MAPK4: variants seen among roughly 807,000 people sequenced by gnomAD.
MAPK4 encodes the protein mitogen-activated protein kinase 4.
Under a neutral mutation model 47.7 loss-of-function variants are expected in MAPK4, and 22 were observed. The ratio of observed to expected loss-of-function variants is 0.46; its 90% confidence interval spans 0.33 to 0.66. The LOEUF (loss-of-function observed/expected upper bound fraction) is 0.66, where lower values mean the gene tolerates loss of function less well. Ranked by LOEUF, MAPK4 falls within the 30% of genes least tolerant of loss-of-function variation. The pLI is 0.02. For synonymous variants in MAPK4, 390 were observed against 365.7 expected (o/e 1.07, Z -0.76); for missense variants, 736 against 831.7 (o/e 0.88, Z 1.42).
At chr18:50,677,823 G>C (rs1211763980) in intron 2 of MAPK4, among the ~76,000 whole-genome samples, 1 of 152,156 alleles carries the variant, frequency 6.6e-6, no homozygotes, top group East Asian at 1.9e-4. Context: ...CCAAAGTGCT[G>C]GGATTATAGG....
At chr18:50,601,862 G>A (rs571766263) in intron 1 of MAPK4, among the ~76,000 whole-genome samples, 8 of 152,122 alleles carry the variant, frequency 5.3e-5, no homozygotes, top group South Asian at 4.2e-4. Context: ...CTTGCCTTCC[G>A]TGGCAGCTCA....
chr18:50,726,280 C>A, intron 5 of MAPK4, 105 bp downstream of exon 5: 1 of 1,081,140 alleles, frequency 9.2e-7, no homozygotes, highest in South Asian at 1.4e-5. Context: ...AGTTGCATAG[C>A]TCATTGGACG....
chr18:50,604,993 G>T (rs1434549877), intron 1 of MAPK4, among the ~76,000 whole-genome samples: 1 of 152,230 alleles, frequency 6.6e-6, no homozygotes, highest in African/African-American at 2.4e-5. Flanking sequence ...GGAGCAGAGG[G>T]TGCAGGAGGA....
At chr18:50,594,525 G>GA (rs1376082001) in intron 1 of MAPK4, among the ~76,000 whole-genome samples, 2 of 152,016 alleles carry the variant, frequency 1.3e-5, no homozygotes, top group African/African-American at 2.4e-5. Context: ...GGTGGTGCTA[G>GA]AAAAAAATGG....
intron 1 of MAPK4, among the ~76,000 whole-genome samples, chr18:50,606,602 G>A (rs2042585292): frequency 6.6e-6 from 1 of 152,160 alleles, no homozygotes; most frequent in Non-Finnish European, 1.5e-5. Flanking sequence ...TCAAAGTTAG[G>A]TGTGACTGTG....
At chr18:50,686,387 T>C (rs16952404) in intron 2 of MAPK4, among the ~76,000 whole-genome samples, 2,657 of 152,280 alleles carry the variant, frequency 0.017, 67 homozygotes, top group African/African-American at 0.061. Flanking sequence ...AAACAAAAAG[T>C]CTTTTCTGCT....
At chr18:50,633,800 C>T (rs376277916) in intron 1 of MAPK4, among the ~76,000 whole-genome samples, 9 of 152,130 alleles carry the variant, frequency 5.9e-5, no homozygotes, top group South Asian at 2.1e-4. Context: ...TGCCGTGTGT[C>T]GGTTTGATTT....
chr18:50,568,294 T>G (rs530186276), intron 1 of MAPK4, among the ~76,000 whole-genome samples: 3 of 152,334 alleles, frequency 2.0e-5, no homozygotes, highest in Admixed American at 2.0e-4. Flanking sequence ...CTAAACATTT[T>G]GTTGATAGTC....
At chr18:50,666,202 C>T (rs1907592403) in intron 2 of MAPK4, among the ~76,000 whole-genome samples, 2 of 152,106 alleles carry the variant, frequency 1.3e-5, no homozygotes, top group African/African-American at 2.4e-5. Flanking sequence ...TTTATTGTGG[C>T]GTAAACTGGC....
chr18:50,713,356 T>C (rs1021315421), intron 2 of MAPK4, among the ~76,000 whole-genome samples: 1 of 152,258 alleles, frequency 6.6e-6, no homozygotes, highest in African/African-American at 2.4e-5. Context: ...TATCAACTTA[T>C]ATAAACTCCA....
In MAPK4 at chr18:50,729,138, C is replaced by T. The variant is rs371096264; in HGVS notation, c.1068-20C>T. 5.2e-6 allele frequency: 8 copies of T among 1,532,070 alleles called. No homozygotes were observed. In the African/African-American group the frequency reaches 6.8e-5, roughly 13 times the overall value. The allele number at this position is 1,532,070 out of a possible 1,614,324, so 94.9% of individuals were successfully genotyped here. Reference sequence around the variant, plus strand: ...ACCTGGCTTGGGCATCCAATCACCGCTCTGTTTGTACCCTTGCAGGTACCC... The same window carrying T: ...ACCTGGCTTGGGCATCCAATCACCGTTCTGTTTGTACCCTTGCAGGTACCC... On this transcript the variant is annotated intron_variant, in intron 5 of 5. Coordinates refer to ENST00000400384, the MANE Select transcript of MAPK4 (RefSeq NM_002747.4).
chr18:50,717,395 A>C (rs564768972), intron 3 of MAPK4, among the ~76,000 whole-genome samples: 9 of 152,132 alleles, frequency 5.9e-5, no homozygotes, highest in African/African-American at 1.9e-4. Context: ...TTCTCTTGGC[A>C]ATCAGCTTAC....
At position 50,726,222 on chromosome 18, in the gene MAPK4, A is replaced by G. The variant is rs373354888; in HGVS notation, c.1067+47A>G. The G allele has an allele frequency of 2.5e-4, 397 of 1,582,076 alleles. 6 individuals are homozygous for G. In the South Asian group the frequency reaches 4.2e-3, roughly 17 times the overall value. On this transcript the variant is annotated intron_variant, in intron 5 of 5. Transcript: ENST00000400384. ...AGAGCCCACATTTCCCTGTCCTCCC[A>G]TCTCTATTTTGCCTCTAATCCTCCG... is the stretch of plus-strand genomic sequence containing the variant.
chr18:50,696,447 G>A (rs1909517032), intron 2 of MAPK4, among the ~76,000 whole-genome samples: 1 of 152,238 alleles, frequency 6.6e-6, no homozygotes, highest in African/African-American at 2.4e-5. Flanking sequence ...GTGAGGTCCT[G>A]ATTTTGAGGT....
chr18:50,699,702 G>T lies in MAPK4; in HGVS notation c.547-15377G>T, dbSNP rs116526177. ...CTCAGTCAGTTGCCACAAGCCCGGG[G>T]GTCCCTAGGTCACCTGCACATCTGA... On this transcript the variant is annotated intron_variant, in intron 2 of 5. Coordinates refer to ENST00000400384, the MANE Select transcript of MAPK4 (RefSeq NM_002747.4). 5.8e-3 allele frequency among the ~76,000 whole-genome samples: 876 copies of T among 152,190 alleles called. 6 individuals carry two copies. Among genetic ancestry groups the T allele is most frequent in the African/African-American group, 0.02 (812 of 41,508 alleles).
chr18:50,571,455 G>A (rs1434924023), intron 1 of MAPK4, among the ~76,000 whole-genome samples: 2 of 152,114 alleles, frequency 1.3e-5, no homozygotes, highest in Middle Eastern at 3.2e-3. Context: ...GATTATTTTT[G>A]GAGGCAGAAT....
Position 50,565,848 on chromosome 18 carries a change from A to G in MAPK4, c.-871+5605A>G, listed in dbSNP as rs1355500090. ...CTATTCCATCTAGGTTTGTGTAAGT[A>G]TGCTCTATGATGTTCCCATAACCAG... On this transcript the variant is annotated intron_variant, in intron 1 of 5. Coordinates refer to ENST00000400384, the MANE Select transcript of MAPK4 (RefSeq NM_002747.4). Among the ~76,000 whole-genome samples the G allele has an allele frequency of 2.0e-5, 3 of 152,224 alleles. No individual in the cohort carries two copies. In the South Asian group the frequency reaches 6.2e-4, roughly 32 times the overall value.
chr18:50,686,894 T>C (rs542659699), intron 2 of MAPK4, among the ~76,000 whole-genome samples: 1 of 152,350 alleles, frequency 6.6e-6, no homozygotes, highest in East Asian at 1.9e-4. Context: ...TTCTCTGCCT[T>C]ATACTCTGCC....
chr18:50,719,357 AC>A (rs869173375), intron 3 of MAPK4, among the ~76,000 whole-genome samples: 1 of 108,938 alleles, frequency 9.2e-6, no homozygotes, highest in African/African-American at 3.0e-5. Context: ...TAAAAACAAA[AC>A]AAAAAAAAAT....
Sources: allele counts gnomAD v4.1 joint callset (sites outside exome capture counted in the v4.1 genomes callset), GRCh38; gene constraint gnomAD v4.1.1; transcripts MANE v1.5; gene names NCBI Gene and HGNC (gene_info 2026-07-23, HGNC 2026-07-21).